The following FTO variants were observed in gnomAD, a reference collection of about 807,000 sequenced individuals.
The protein encoded by FTO is FTO alpha-ketoglutarate dependent dioxygenase.
A neutral mutation model predicts 63.9 loss-of-function variants in FTO; 47 were observed. That is an observed-to-expected ratio of 0.74 (90% CI 0.58 to 0.94). The LOEUF is 0.94. Among genes scored for constraint, FTO ranks in the 40% least tolerant of loss-of-function variants. FTO has a pLI of 0.00. For missense variants in FTO, 562 were observed against 618.1 expected (o/e 0.91, Z 0.96); for synonymous variants, 207 against 224.4 (o/e 0.92, Z 0.69).
intron 1 of FTO, among the ~76,000 whole-genome samples, chr16:53,737,033 C>T (rs945222922): frequency 1.4e-4 from 22 of 152,136 alleles, no homozygotes; most frequent in African/African-American, 5.3e-4. Flanking sequence ...TTGGCCATTG[C>T]GTTGGTATAC....
rs576275295 is a variant in FTO, at chr16:53,846,499, C to A, written c.895+2201C>A. Reference sequence around the variant, plus strand: ...ATGTTATCTTTTAAAATAGCTTTTACTTTTTAAAAATATAAAAGTGGCTGG... The same window carrying A: ...ATGTTATCTTTTAAAATAGCTTTTAATTTTTAAAAATATAAAAGTGGCTGG... On this transcript the variant is annotated intron_variant, in intron 4 of 8. Coordinates refer to ENST00000471389, the MANE Select transcript of FTO (RefSeq NM_001080432.3). Among the ~76,000 whole-genome samples, 124 of 152,110 alleles carry A rather than the reference C, an allele frequency of 8.2e-4. 1 individual carries two copies. Among genetic ancestry groups the A allele is most frequent in the Non-Finnish European group, 2.5e-4 (17 of 68,012 alleles).
At chr16:53,873,466 A>G (rs899491496) in intron 4 of FTO, among the ~76,000 whole-genome samples, 1 of 149,630 alleles carries the variant, frequency 6.7e-6, no homozygotes, top group African/African-American at 2.4e-5. Context: ...ATATCTACTT[A>G]TATATACTTG....
intron 6 of FTO, 66 bp downstream of exon 6, chr16:53,880,053 G>A (rs527615064): frequency 3.2e-5 from 40 of 1,235,594 alleles, no homozygotes; most frequent in African/African-American, 2.3e-4. Flanking sequence ...GGAGTGCAGC[G>A]GCATGACCTC....
rs1329766069 is a variant in FTO at position 54,111,847 on chromosome 16, C to T, written c.1450C>T (p.Pro484Ser). The T allele has an allele frequency of 2.5e-6, 4 of 1,614,028 alleles. No individual in the cohort carries two copies. The highest frequency in any genetic ancestry group is 2.7e-5 in the African/African-American group (2 of 74,910). Residue 484 changes from proline to serine, a missense_variant, in exon 9 of 9, where the codon CCT becomes TCT. Transcript: ENST00000471389. ...CTGGGAAAAGGATGATGCTTCGATG[C>T]CTCTGCCGTTTGACCTCACAGACAT... ...PYWEKDDASM[P>S]LPFDLTDIVS...
chr16:54,016,305 A>AC (rs1387750439), intron 8 of FTO, among the ~76,000 whole-genome samples: 5 of 148,118 alleles, frequency 3.4e-5, no homozygotes, highest in African/African-American at 1.3e-4. Flanking sequence ...AAAAAAAAAA[A>AC]AAAAAAAAAA....
chr16:53,906,365 G>T (rs1041382225), intron 7 of FTO, among the ~76,000 whole-genome samples: 2 of 152,216 alleles, frequency 1.3e-5, no homozygotes, highest in African/African-American at 4.8e-5. Flanking sequence ...CACCAAGTTA[G>T]ATTTGATTGA....
intron 8 of FTO, among the ~76,000 whole-genome samples, chr16:54,033,532 A>G (rs918789781): frequency 8.5e-5 from 13 of 152,222 alleles, no homozygotes; most frequent in African/African-American, 3.1e-4. Context: ...TAAAGGTCAG[A>G]CTTGTCCAGA....
intron 1 of FTO, among the ~76,000 whole-genome samples, chr16:53,780,239 C>T (rs2077554590): frequency 6.6e-6 from 1 of 152,066 alleles, no homozygotes; most frequent in South Asian, 2.1e-4. Context: ...CTTTCTGTCC[C>T]TGGAAGCCAC....
rs1385585971 is a variant in FTO at position 53,972,547 on chromosome 16, T to C, written c.1364+38438T>C. 3.9e-5 allele frequency among the ~76,000 whole-genome samples: 6 copies of C among 152,232 alleles called. No individual in the cohort carries two copies. The East Asian group carries it at 9.6e-4, about 24-fold the overall frequency. Reference sequence around the variant, plus strand: ...GTAATAATATGTAGTTATTAACTAGTTCACCTCTGTGACTCTCAGCTTCTT... The same window carrying C: ...GTAATAATATGTAGTTATTAACTAGCTCACCTCTGTGACTCTCAGCTTCTT... On this transcript the variant is annotated intron_variant, in intron 8 of 8. Coordinates refer to ENST00000471389, the MANE Select transcript of FTO (RefSeq NM_001080432.3).
At chr16:53,990,506 T>C (rs927356077) in intron 8 of FTO, among the ~76,000 whole-genome samples, 1 of 152,100 alleles carries the variant, frequency 6.6e-6, no homozygotes, top group African/African-American at 2.4e-5. Flanking sequence ...AGTCTTCTGG[T>C]GCTGTTACTT....
chr16:53,981,156 C>T (rs1301555587), intron 8 of FTO: 1 of 152,112 alleles, frequency 6.6e-6, no homozygotes, highest in Non-Finnish European at 1.5e-5. Context: ...AATGCTCTGT[C>T]CATACAACAA....
At chr16:53,922,664 A>G (rs984911453) in intron 7 of FTO, among the ~76,000 whole-genome samples, 1 of 152,208 alleles carries the variant, frequency 6.6e-6, no homozygotes, top group Non-Finnish European at 1.5e-5. Flanking sequence ...ACAGCCTGCA[A>G]AGATCTTAGT....
At chr16:53,848,499 A>T (rs1354240390) in intron 4 of FTO, among the ~76,000 whole-genome samples, 1 of 152,170 alleles carries the variant, frequency 6.6e-6, no homozygotes, top group Non-Finnish European at 1.5e-5. Context: ...TTAAATTGGA[A>T]TCTTTGCCCT....
intron 1 of FTO, among the ~76,000 whole-genome samples, chr16:53,743,652 G>A (rs773246317): frequency 5.3e-5 from 8 of 150,230 alleles, no homozygotes; most frequent in Non-Finnish European, 8.9e-5. Context: ...GCTTATTATC[G>A]TGGGAATACT....
intron 2 of FTO, among the ~76,000 whole-genome samples, chr16:53,818,688 AC>A (rs2078767639): frequency 6.9e-6 from 1 of 145,810 alleles, no homozygotes; most frequent in East Asian, 2.0e-4. Context: ...TTACATATGT[AC>A]TGTTTTTCTT....
chr16:54,031,642 T>C (rs1386126914), intron 8 of FTO, among the ~76,000 whole-genome samples: 1 of 152,044 alleles, frequency 6.6e-6, no homozygotes, highest in Non-Finnish European at 1.5e-5. Context: ...CAGTCTTAGG[T>C]TTTATGATAC....
At chr16:53,808,610 G>A (rs1428538908) in intron 1 of FTO, among the ~76,000 whole-genome samples, 2 of 152,118 alleles carry the variant, frequency 1.3e-5, no homozygotes, top group African/African-American at 4.8e-5. Context: ...GATTGTGATG[G>A]GTTTGTGAGA....
chr16:54,011,902 A>G (rs1014609132), intron 8 of FTO, among the ~76,000 whole-genome samples: 25 of 152,256 alleles, frequency 1.6e-4, no homozygotes, highest in African/African-American at 5.5e-4. Flanking sequence ...CCATTCCTTC[A>G]TCTCTCTCCC....
chr16:53,712,647 A>G (rs977695946), intron 1 of FTO, among the ~76,000 whole-genome samples: 1 of 152,202 alleles, frequency 6.6e-6, no homozygotes, highest in African/African-American at 2.4e-5. Flanking sequence ...AGCCATTCAA[A>G]AAAACTCTTA....
Sources: allele counts gnomAD v4.1 joint callset (sites outside exome capture counted in the v4.1 genomes callset), GRCh38; gene constraint gnomAD v4.1.1; transcripts MANE v1.5; gene names NCBI Gene and HGNC (gene_info 2026-07-23, HGNC 2026-07-21).